Variants in GPAT4 observed in about 807,000 individuals in gnomAD.
GPAT4 encodes the protein 1-AGP acyltransferase 6.
GPAT4 carries 17 observed loss-of-function variants against 58.0 expected under a neutral mutation model. That is an observed-to-expected ratio of 0.29 (90% CI 0.20 to 0.44). The LOEUF (loss-of-function observed/expected upper bound fraction) is 0.44. Ranked by LOEUF, GPAT4 falls within the 20% of genes least tolerant of loss-of-function variation. The pLI is 1.00. For missense variants in GPAT4, 377 were observed against 574.5 expected (o/e 0.66, Z 3.51); for synonymous variants, 204 against 210.1 (o/e 0.97, Z 0.25).
intron 1 of GPAT4, among the ~76,000 whole-genome samples, chr8:41,583,145 G>A (rs1248551372): frequency 1.3e-5 from 2 of 151,934 alleles, no homozygotes; most frequent in Non-Finnish European, 2.9e-5. Context: ...AGAATTGCTT[G>A]AACCTGGAGG....
intron 2 of GPAT4, among the ~76,000 whole-genome samples, chr8:41,608,250 G>A (rs1173639449): frequency 6.6e-6 from 1 of 152,236 alleles, no homozygotes; most frequent in Non-Finnish European, 1.5e-5. Context: ...GCTGGACCAC[G>A]TGGTGCAGTC....
chr8:41,591,407 G>A (rs763125580), intron 1 of GPAT4, among the ~76,000 whole-genome samples: 15 of 152,136 alleles, frequency 9.9e-5, no homozygotes, highest in Middle Eastern at 3.2e-3. Context: ...AAAACATTGC[G>A]CAGATTTTAA....
intron 2 of GPAT4, among the ~76,000 whole-genome samples, chr8:41,608,308 G>A (rs1803340455): frequency 6.6e-6 from 1 of 152,232 alleles, no homozygotes; most frequent in Non-Finnish European, 1.5e-5. Flanking sequence ...CATGTGCCCT[G>A]GGCCACGTGC....
chr8:41,612,819 C>G (rs770067704), intron 7 of GPAT4, 26 bp from the exon 8 acceptor site: 1 of 1,600,480 alleles, frequency 6.2e-7, no homozygotes, highest in Non-Finnish European at 8.5e-7. Context: ...GGCTTCACTA[C>G]TAATGAGTCC....
intron 2 of GPAT4, among the ~76,000 whole-genome samples, chr8:41,601,825 T>C (rs912275623): frequency 6.6e-6 from 1 of 152,254 alleles, no homozygotes; most frequent in Non-Finnish European, 1.5e-5. Flanking sequence ...TGACTTTTAA[T>C]GTAGATTATG....
intron 1 of GPAT4, among the ~76,000 whole-genome samples, chr8:41,582,505 GATAC>G (rs1456295571): frequency 1.3e-5 from 2 of 151,454 alleles, no homozygotes; most frequent in East Asian, 3.9e-4. Context: ...GCCAGTTGAA[GATAC>G]ATTATTTTGA....
rs1469008132 is a variant in GPAT4, at chr8:41,598,611, A to G, written c.-529A>G. 6.6e-6 allele frequency: 1 copy of G among 152,488 alleles called. No individual in the cohort carries two copies. The highest frequency in any genetic ancestry group is 1.5e-5 in the Non-Finnish European group (1 of 68,224). The allele number at this position is 152,488 out of a possible 1,614,324, so 9.4% of individuals were successfully genotyped here. Reference sequence around the variant, plus strand: ...AGTAAAACAGTTATTTAATTTCCACATATTCAAGTCAAAAGCCTTCTGTGT... The same window carrying G: ...AGTAAAACAGTTATTTAATTTCCACGTATTCAAGTCAAAAGCCTTCTGTGT... On this transcript the variant is annotated 5_prime_UTR_variant, in exon 2 of 13. Transcript: ENST00000396987.
chr8:41,612,812 T>C (rs980512939), intron 7 of GPAT4, 33 bp from the exon 8 acceptor site: 20 of 1,583,310 alleles, frequency 1.3e-5, no homozygotes, highest in Non-Finnish European at 1.5e-5. Context: ...TGAAGATGGC[T>C]TCACTACTAA....
intron 1 of GPAT4, among the ~76,000 whole-genome samples, chr8:41,591,121 G>A (rs1316335450): frequency 6.6e-6 from 1 of 152,088 alleles, no homozygotes; most frequent in Non-Finnish European, 1.5e-5. Flanking sequence ...GGTTGTGATC[G>A]ATTGGGCAAG....
intron 1 of GPAT4, chr8:41,578,708 A>G (rs1036325252): frequency 6.6e-6 from 1 of 152,278 alleles, no homozygotes; most frequent in Non-Finnish European, 1.5e-5. Flanking sequence ...CGTAAGATGC[A>G]TGTCTTTACC....
At chr8:41,585,335 C>G (rs1276026625) in intron 1 of GPAT4, among the ~76,000 whole-genome samples, 1 of 152,150 alleles carries the variant, frequency 6.6e-6, no homozygotes, top group Non-Finnish European at 1.5e-5. Context: ...GTGCACTCGA[C>G]TGGACATCAG....
At chr8:41,580,605 T>C (rs369994287) in intron 1 of GPAT4, among the ~76,000 whole-genome samples, 1 of 152,236 alleles carries the variant, frequency 6.6e-6, no homozygotes, top group Non-Finnish European at 1.5e-5. Context: ...CAAGTCCTCA[T>C]GTTAGGGGTC....
chr8:41,612,499 G>A (rs926528552), intron 7 of GPAT4, among the ~76,000 whole-genome samples: 4 of 152,230 alleles, frequency 2.6e-5, no homozygotes, highest in African/African-American at 7.2e-5. Context: ...CAGACCAGCA[G>A]GGGCAGAGGG....
chr8:41,590,261 A>T (rs151250860), intron 1 of GPAT4, among the ~76,000 whole-genome samples: 2,043 of 151,732 alleles, frequency 0.013, 47 homozygotes, highest in East Asian at 0.076. Flanking sequence ...TAATTTTTGT[A>T]TTTTTAGTAG....
chr8:41,593,475 AG>A (rs1240827144), intron 1 of GPAT4, among the ~76,000 whole-genome samples: 1 of 152,224 alleles, frequency 6.6e-6, no homozygotes, highest in Non-Finnish European at 1.5e-5. Context: ...CCAAAATTTA[AG>A]GAAAATAAGT....
chr8:41,585,776 T>A (rs1802636096), intron 1 of GPAT4, among the ~76,000 whole-genome samples: 1 of 152,202 alleles, frequency 6.6e-6, no homozygotes, highest in Non-Finnish European at 1.5e-5. Flanking sequence ...CTTTACTGCT[T>A]CCCTGACATT....
chr8:41,593,721 TC>T (rs1183793841), intron 1 of GPAT4, among the ~76,000 whole-genome samples: 2 of 152,236 alleles, frequency 1.3e-5, no homozygotes, highest in East Asian at 3.8e-4. Flanking sequence ...AACGTGATCC[TC>T]AGGCTGGTGC....
chr8:41,610,615 G>A (rs1391996872), intron 4 of GPAT4, 121 bp from the exon 5 acceptor site: 1 of 1,545,692 alleles, frequency 6.5e-7, no homozygotes, highest in African/African-American at 1.4e-5. Context: ...TCTGGTCCAG[G>A]TCCCAGGTGA....
chr8:41,597,063 A>G (rs1327241523), intron 1 of GPAT4, among the ~76,000 whole-genome samples: 1 of 152,202 alleles, frequency 6.6e-6, no homozygotes, highest in Non-Finnish European at 1.5e-5. Flanking sequence ...ATCTATAGAT[A>G]ACACAAAAAG....
Sources: gnomAD v4.1 joint callset for allele counts (sites outside exome capture counted in the v4.1 genomes callset) on GRCh38, gnomAD v4.1.1 for gene constraint, MANE v1.5 for transcripts, NCBI Gene and HGNC (gene_info 2026-07-23, HGNC 2026-07-21) for gene names.